KCNMA1: variants seen among roughly 807,000 people sequenced by gnomAD.
The protein encoded by KCNMA1 is Calcium-activated potassium channel subunit alpha-1.
In KCNMA1, 29 loss-of-function variants were observed where a neutral mutation model predicts 140.0. The ratio of observed to expected loss-of-function variants is 0.21; its 90% CI spans 0.15 to 0.28. KCNMA1 has a LOEUF of 0.28. KCNMA1 is among the 10% of genes least tolerant of loss of function. The pLI, the probability that KCNMA1 is intolerant of heterozygous loss-of-function variation, is 1.00. For missense variants in KCNMA1, 880 were observed against 1,602.2 expected, an observed-to-expected ratio of 0.55 and a Z score of 7.70; for synonymous variants, 612 against 611.9, an observed-to-expected ratio of 1.00 and a Z score of 0.00.
intron 2 of KCNMA1, among the ~76,000 whole-genome samples, chr10:77,266,485 T>TTAC: frequency 6.6e-6 from 1 of 152,346 alleles, no homozygotes; most frequent in Non-Finnish European, 1.5e-5. Flanking sequence ...TGGCGCACCC[T>TTAC]CTCCAGCATT....
chr10:76,899,064 A>G (rs1176399523), intron 25 of KCNMA1, among the ~76,000 whole-genome samples: 1 of 152,122 alleles, frequency 6.6e-6, no homozygotes, highest in East Asian at 1.9e-4. Context: ...CTTTAATACC[A>G]ATCACTGGAC....
At chr10:77,590,037 G>A (rs552471847) in intron 1 of KCNMA1, among the ~76,000 whole-genome samples, 17 of 152,166 alleles carry the variant, frequency 1.1e-4, no homozygotes, top group Admixed American at 3.3e-4. Flanking sequence ...CCCCACCAGA[G>A]TAGCTAGATA....
chr10:77,038,692 A>C (rs946080507), intron 15 of KCNMA1, among the ~76,000 whole-genome samples: 1 of 152,106 alleles, frequency 6.6e-6, no homozygotes, highest in African/African-American at 2.4e-5. Flanking sequence ...CGTGTGTGCC[A>C]CCACACTCGG....
chr10:77,371,512 A>G (rs1234632867), intron 2 of KCNMA1, among the ~76,000 whole-genome samples: 2 of 152,112 alleles, frequency 1.3e-5, no homozygotes, highest in Non-Finnish European at 2.9e-5. Flanking sequence ...AAATCTGGAG[A>G]TTTCACAACA....
At chr10:76,995,361 C>T (rs928427372) in intron 19 of KCNMA1, 20 of 349,210 alleles carry the variant, frequency 5.7e-5, no homozygotes, top group Non-Finnish European at 8.8e-5. Flanking sequence ...AAGCCTAAGG[C>T]GCTGCAAACT....
At chr10:77,211,154 C>T (rs1303474197) in intron 3 of KCNMA1, among the ~76,000 whole-genome samples, 1 of 151,982 alleles carries the variant, frequency 6.6e-6, no homozygotes, top group African/African-American at 2.4e-5. Context: ...AAGCTGGAGG[C>T]ATCAAACTAC....
At chr10:77,609,239 T>C (rs556750025) in intron 1 of KCNMA1, among the ~76,000 whole-genome samples, 1 of 152,338 alleles carries the variant, frequency 6.6e-6, no homozygotes, top group East Asian at 1.9e-4. Flanking sequence ...GTGGTACATG[T>C]ACACAGTGGA....
chr10:77,038,712 C>T (rs1385915084), intron 15 of KCNMA1, among the ~76,000 whole-genome samples: 2 of 152,096 alleles, frequency 1.3e-5, no homozygotes, highest in African/African-American at 4.8e-5. Context: ...GCTAATTTTC[C>T]TTATTTTTTG....
intron 5 of KCNMA1, among the ~76,000 whole-genome samples, chr10:77,156,793 C>G (rs924086456): frequency 6.6e-6 from 1 of 152,162 alleles, no homozygotes; most frequent in Non-Finnish European, 1.5e-5. Flanking sequence ...TGACTGACCC[C>G]ACCTGGACCC....
intron 2 of KCNMA1, among the ~76,000 whole-genome samples, chr10:77,392,005 G>T (rs1460854587): frequency 1.3e-5 from 2 of 151,070 alleles, no homozygotes; most frequent in Non-Finnish European, 2.9e-5. Context: ...ACCTGGGTAA[G>T]AAAAGTCTCC....
rs532452502 is a variant in KCNMA1 at position 77,110,715 on chromosome 10, C to T, written c.961-372G>A. On this transcript the variant is annotated intron_variant, in intron 7 of 27. Transcript: ENST00000286628. ...TCTTCAAGGAAAGAGCCAGAGATTC[C>T]GTCCCTGACCTTCCTCAATGGGTTT... Among the ~76,000 whole-genome samples, 72 of 152,350 alleles carry T rather than the reference C, an allele frequency of 4.7e-4. 1 individual carries two copies. In the South Asian group the frequency reaches 0.013, roughly 28 times the overall value.
chr10:77,525,406 G>A (rs2055207782), intron 1 of KCNMA1, among the ~76,000 whole-genome samples: 2 of 152,138 alleles, frequency 1.3e-5, no homozygotes, highest in African/African-American at 4.8e-5. Flanking sequence ...AGAAAGTGCA[G>A]GGTTGGAGAC....
At chr10:77,181,104 C>T (rs1007543129) in intron 5 of KCNMA1, among the ~76,000 whole-genome samples, 3 of 152,150 alleles carry the variant, frequency 2.0e-5, no homozygotes. Context: ...GGGAGCCCTT[C>T]CATCACCCAG....
intron 25 of KCNMA1, among the ~76,000 whole-genome samples, chr10:76,892,662 A>G (rs2040680056): frequency 6.6e-6 from 1 of 152,148 alleles, no homozygotes; most frequent in Admixed American, 6.5e-5. Context: ...TAGAGAGTTT[A>G]GCTGGCAAGG....
At chr10:77,078,590 C>T (rs1416270765) in intron 13 of KCNMA1, among the ~76,000 whole-genome samples, 6 of 152,158 alleles carry the variant, frequency 3.9e-5, no homozygotes. Flanking sequence ...GGAATGTGTC[C>T]CACATTACAC....
chr10:77,504,837 G>C (rs1465444579), intron 1 of KCNMA1, among the ~76,000 whole-genome samples: 1 of 152,080 alleles, frequency 6.6e-6, no homozygotes, highest in Non-Finnish European at 1.5e-5. Context: ...CATGACAAAT[G>C]TGATTGAATA....
intron 5 of KCNMA1, among the ~76,000 whole-genome samples, chr10:77,140,138 G>T (rs1240202124): frequency 1.3e-5 from 2 of 152,196 alleles, no homozygotes; most frequent in Non-Finnish European, 2.9e-5. Flanking sequence ...CGTTGGGTGG[G>T]TATGCCAAGA....
chr10:77,480,686 C>T (rs1043299806), intron 1 of KCNMA1, among the ~76,000 whole-genome samples: 2 of 152,152 alleles, frequency 1.3e-5, no homozygotes, highest in Non-Finnish European at 2.9e-5. Flanking sequence ...ACAGGCGCCT[C>T]CAAGACTCTG....
At chr10:77,146,400 G>A (rs1319734046) in intron 5 of KCNMA1, among the ~76,000 whole-genome samples, 2 of 152,076 alleles carry the variant, frequency 1.3e-5, no homozygotes, top group African/African-American at 4.8e-5. Flanking sequence ...ATGACTGCAT[G>A]TAAAAAATAA....
Sources: allele counts gnomAD v4.1 joint callset (sites outside exome capture counted in the v4.1 genomes callset), GRCh38; gene constraint gnomAD v4.1.1; transcripts MANE v1.5; gene names NCBI Gene and HGNC (gene_info 2026-07-23, HGNC 2026-07-21).